Variants in COL9A3 observed in about 807,000 individuals in gnomAD.
COL9A3 encodes the protein collagen alpha-3(IX) chain.
A neutral mutation model predicts 110.2 loss-of-function variants in COL9A3; 82 were observed. That is an observed-to-expected ratio of 0.74 (90% CI 0.62 to 0.89). COL9A3 has a LOEUF of 0.89. Ranked by LOEUF, COL9A3 falls within the 40% of genes least tolerant of loss-of-function variation. COL9A3 has a pLI of 0.00. For synonymous variants in COL9A3, 494 were observed against 403.8 expected (o/e 1.22, Z -2.68); for missense variants, 1,066 against 981.3 (o/e 1.09, Z -1.15).
Position 62,832,183 on chromosome 20 carries a change from A to T in COL9A3, c.1317A>T (p.Gly439=). 1 of 1,612,848 alleles carries T rather than the reference A, an allele frequency of 6.2e-7. No homozygotes were observed. Among genetic ancestry groups the T allele is most frequent in the African/African-American group, 1.3e-5 (1 of 75,050 alleles). ...RGPGGAAGPK[G]DQGIAGSDGL... Reference sequence around the variant, plus strand: ...CGGGAGGTGCCGCAGGCCCTAAGGGAGACCAGGTGAGCTGGGCACAGGCTG... The same window carrying T: ...CGGGAGGTGCCGCAGGCCCTAAGGGTGACCAGGTGAGCTGGGCACAGGCTG... Residue 439 remains glycine (G), a synonymous_variant, in exon 25 of 32, where the codon GGA becomes GGT. Transcript: ENST00000649368.
chr20:62,820,198 C>T (rs988672299), intron 5 of COL9A3, among the ~76,000 whole-genome samples: 2 of 152,136 alleles, frequency 1.3e-5, no homozygotes, highest in Admixed American at 6.5e-5. Context: ...CAGAGTTGTC[C>T]TGGTATCCAG....
Position 62,828,941 on chromosome 20 carries a change from G to T in COL9A3, c.973G>T (p.Gly325Cys). The change falls in exon 19 of 32, where the codon GGT becomes TGT. Residue 325 changes from glycine to cysteine, a missense_variant. Gly to Cys is a radical substitution (Grantham distance 159). Coordinates refer to ENST00000649368, the MANE Select transcript of COL9A3 (RefSeq NM_001853.4). ...DGQKGEAGRN[G>C]APGEKGPNGL... ...CTCACAGGGAGAGGCTGGTCGCAAC[G>T]GTGCTCCGGGAGAGAAGGGCCCCAA... is the stretch of plus-strand genomic sequence containing the variant. 6.2e-7 allele frequency: 1 copy of T among 1,611,284 alleles called. No individual in the cohort carries two copies.
rs1215659292 is a variant in COL9A3, at chr20:62,825,824, C to G, written c.638C>G (p.Pro213Arg). 1 of 1,554,184 alleles carries G rather than the reference C, an allele frequency of 6.4e-7. No individual in the cohort carries two copies. Among genetic ancestry groups the G allele is most frequent in the South Asian group, 1.2e-5 (1 of 84,342 alleles). ...CTATCCCCTCTGTTTCAGGGTGACC[C>G]TGGCCCCCCTGGGCCCGCCGGCCTC... ...EVGKDGEKGDPGPPGPAGLPG... is the reference protein window; with the variant it reads ...EVGKDGEKGDRGPPGPAGLPG... Residue 213 changes from proline to arginine, a missense_variant, in exon 13 of 32, where the codon CCT becomes CGT. Transcript: ENST00000649368.
At chr20:62,821,096 GT>G in intron 5 of COL9A3, 84 bp from the exon 6 acceptor site, 1 of 1,387,594 alleles carries the variant, frequency 7.2e-7, no homozygotes, top group East Asian at 2.4e-5. Flanking sequence ...GGGAGTTGGA[GT>G]TGTGACGTCA....
intron 14 of COL9A3, 34 bp from the exon 15 acceptor site, chr20:62,826,733 C>A: frequency 6.2e-7 from 1 of 1,610,910 alleles, no homozygotes; most frequent in Non-Finnish European, 8.5e-7. Context: ...AGGCCTCAGA[C>A]AAGAGGACCC....
chr20:62,835,047 C>T (rs147185423), intron 26 of COL9A3, among the ~76,000 whole-genome samples: 135 of 152,360 alleles, frequency 8.9e-4, no homozygotes, highest in Non-Finnish European at 1.3e-3. Flanking sequence ...CCCTTGCAGG[C>T]GGAAAACCTA....
chr20:62,836,965 A>G (rs1240979660), intron 29 of COL9A3, 118 bp from the exon 30 acceptor site: 9 of 1,298,708 alleles, frequency 6.9e-6, no homozygotes, highest in East Asian at 2.3e-5. Context: ...ATTTTCCATC[A>G]ATCAGAAGGA....
chr20:62,825,599 A>C (rs2063546034), intron 12 of COL9A3: 2 of 621,364 alleles, frequency 3.2e-6, no homozygotes, highest in Admixed American at 2.7e-5. Context: ...TTGTGGGAAC[A>C]GTGACCACGG....
intron 28 of COL9A3, 68 bp from the exon 29 acceptor site, chr20:62,836,410 G>A (rs749479145): frequency 3.1e-6 from 5 of 1,613,702 alleles, no homozygotes; most frequent in Non-Finnish European, 4.2e-6. Flanking sequence ...TACTTTGCGG[G>A]GTGACGGTGG....
intron 19 of COL9A3, 126 bp downstream of exon 19, chr20:62,829,102 TC>T: frequency 1.9e-6 from 2 of 1,073,528 alleles, no homozygotes; most frequent in Non-Finnish European, 2.7e-6. Flanking sequence ...GGGGCCTGTG[TC>T]CATCAGGGCC....
intron 12 of COL9A3, chr20:62,825,314 C>T (rs746368922): frequency 7.7e-5 from 26 of 335,624 alleles, no homozygotes; most frequent in African/African-American, 1.3e-4. Context: ...TGGACAGACC[C>T]CGTCCTGCCT....
chr20:62,837,148 G>T lies in COL9A3; in HGVS notation c.1669G>T (p.Gly557Cys). Residue 557 changes from glycine (G) to cysteine (C), a missense_variant, in exon 30 of 32, where the codon GGT (glycine) becomes TGT (cysteine). Transcript: ENST00000649368. Reference sequence around the variant, plus strand: ...GGCACCCGGGTCCATTGGTCGGCCCGGTCCAGCTGGCCCCCCTGGGCCCCC... The same window carrying T: ...GGCACCCGGGTCCATTGGTCGGCCCTGTCCAGCTGGCCCCCCTGGGCCCCC... The part of the protein sequence containing the change: ...PLAPGSIGRP[G>C]PAGPPGPPGP... The T allele has an allele frequency of 6.2e-7, 1 of 1,613,220 alleles. No homozygotes were observed. Among genetic ancestry groups the T allele is most frequent in the Non-Finnish European group, 8.5e-7 (1 of 1,179,966 alleles).
At chr20:62,826,690 C>T (rs999487629) in intron 14 of COL9A3, 77 bp from the exon 15 acceptor site, 80 of 1,522,602 alleles carry the variant, frequency 5.3e-5, no homozygotes, top group East Asian at 6.9e-5. Context: ...GTGTCTGGGC[C>T]GCCCCTGAGG....
chr20:62,838,610 G>A, intron 30 of COL9A3, 74 bp from the exon 31 acceptor site: 3 of 1,338,278 alleles, frequency 2.2e-6, no homozygotes, highest in African/African-American at 1.5e-5. Flanking sequence ...TGTTACAAAG[G>A]TTGATCAGAC....
chr20:62,840,416 G>T, intron 31 of COL9A3, 126 bp from the exon 32 acceptor site: 1 of 922,486 alleles, frequency 1.1e-6, no homozygotes, highest in Non-Finnish European at 1.8e-6. Context: ...CTCCCCACCC[G>T]CTGTGGCCTC....
In COL9A3 at chr20:62,824,464, C is replaced by T; in HGVS notation, c.539C>T (p.Pro180Leu). ...CGACAGTGCCCAAGTATCTGCCCGC[C>T]AGGTCCCCCAGGGCCCCCTGGAATG... Reference protein sequence around the residue: ...TDLQCPSICPPGPPGPPGMPG... With the variant: ...TDLQCPSICPLGPPGPPGMPG... The change falls in exon 11 of 32, where the codon CCA (proline) becomes CTA (leucine). Residue 180 changes from proline to leucine, a missense_variant. Physicochemically the swap from Pro to Leu is moderately conservative, Grantham distance 98. Transcript: ENST00000649368. The T allele has an allele frequency of 6.2e-7, 1 of 1,600,024 alleles. No individual in the cohort carries two copies.
intron 24 of COL9A3, chr20:62,831,536 C>T (rs2063597192): frequency 6.1e-6 from 1 of 163,118 alleles, no homozygotes; most frequent in Non-Finnish European, 1.3e-5. Context: ...GTTTATTGGC[C>T]TCCAGGCAGG....
intron 26 of COL9A3, among the ~76,000 whole-genome samples, chr20:62,834,861 A>T (rs1448642961): frequency 6.6e-6 from 1 of 152,120 alleles, no homozygotes; most frequent in Admixed American, 6.5e-5. Context: ...GGCTGGTCTC[A>T]AACTCCTGAC....
chr20:62,827,811 C>T, intron 16 of COL9A3, 112 bp from the exon 17 acceptor site: 2 of 1,159,108 alleles, frequency 1.7e-6, no homozygotes, highest in Non-Finnish European at 1.3e-6. Flanking sequence ...CGGGGGTGGC[C>T]CCTGCCGCTG....
Sources: allele counts gnomAD v4.1 joint callset (sites outside exome capture counted in the v4.1 genomes callset), GRCh38; gene constraint gnomAD v4.1.1; transcripts MANE v1.5; gene names NCBI Gene and HGNC (gene_info 2026-07-23, HGNC 2026-07-21).